The following RAB13 variants were observed in gnomAD, a reference collection of about 807,000 sequenced individuals.
The protein encoded by RAB13 is RAB13, member RAS oncogene family, also known as ras-related protein Rab-13.
In RAB13, 15 loss-of-function variants were observed where a neutral mutation model predicts 29.3. The observed-to-expected ratio is 0.51, with a 90% CI of 0.34 to 0.79. The LOEUF (loss-of-function observed/expected upper bound fraction) is 0.79. Among genes scored for constraint, RAB13 ranks in the 30% least tolerant of loss-of-function variants. The pLI is 0.01. For missense variants in RAB13, 186 were observed against 255.5 expected, an observed-to-expected ratio of 0.73 and a Z score of 1.85; for synonymous variants, 82 against 93.8, an observed-to-expected ratio of 0.87 and a Z score of 0.73.
chr1:153,982,104 C>T lies in RAB13; in HGVS notation c.607G>A (p.Gly203Ser). The T allele has an allele frequency of 6.2e-7, 1 of 1,613,546 alleles. No homozygotes were observed. The highest frequency in any genetic ancestry group is 1.3e-5 in the African/African-American group (1 of 75,008). Residue 203 changes from glycine (G) to serine (S), a missense_variant, in exon 8 of 8, where the codon GGC becomes AGC. Transcript: ENST00000368575. ...DKKNTNKCSLG is the reference protein window; with the variant it reads ...DKKNTNKCSLS Reference sequence around the variant, plus strand: ...GGGGAGGCAAGAAAGGGTCCTCAGCCCAGGGAGCACTTGTTGGTGTTCTTC... The same window carrying T: ...GGGGAGGCAAGAAAGGGTCCTCAGCTCAGGGAGCACTTGTTGGTGTTCTTC...
At chr1:153,985,278 G>T in intron 1 of RAB13, 1 of 985,906 alleles carries the variant, frequency 1.0e-6, no homozygotes. Flanking sequence ...GGCTAAACAG[G>T]ATTACTTTTG....
chr1:153,983,383 A>G, intron 3 of RAB13, 87 bp from the exon 4 acceptor site: 5 of 1,476,260 alleles, frequency 3.4e-6, no homozygotes, highest in Non-Finnish European at 4.7e-6. Context: ...ATGGGTCTAA[A>G]CACTAGGCCA....
chr1:153,982,201 C>T (rs1648998143), intron 7 of RAB13, 25 bp from the exon 8 acceptor site: 1 of 1,600,186 alleles, frequency 6.2e-7, no homozygotes, highest in African/African-American at 1.3e-5. Flanking sequence ...GCACAGGTGT[C>T]ATGGTGTGAA....
At chr1:153,984,957 T>G (rs1246470362) in intron 1 of RAB13, 176 bp from the exon 2 acceptor site, 1 of 1,356,282 alleles carries the variant, frequency 7.4e-7, no homozygotes, top group Non-Finnish European at 9.4e-7. Flanking sequence ...GCTGTATTTG[T>G]ATAGCAAGAA....
chr1:153,988,169 A>G (rs1394912805), upstream of RAB13, among the ~76,000 whole-genome samples: 2 of 150,752 alleles, frequency 1.3e-5, no homozygotes, highest in Admixed American at 6.6e-5. Flanking sequence ...TAATTTTTGT[A>G]TTTTTAGTAG....
rs760293906 is a variant in RAB13, at chr1:153,982,095, G to T, written c.*4C>A. ...TTCCGGGGTGGGGAGGCAAGAAAGGGTCCTCAGCCCAGGGAGCACTTGTTG... is the reference window on the plus strand; with the variant it reads ...TTCCGGGGTGGGGAGGCAAGAAAGGTTCCTCAGCCCAGGGAGCACTTGTTG... On this transcript the variant is annotated 3_prime_UTR_variant, in exon 8 of 8. Transcript: ENST00000368575. The T allele has an allele frequency of 6.2e-7, 1 of 1,613,084 alleles. No individual in the cohort carries two copies.
chr1:153,989,023 G>A (rs958763043), upstream of RAB13, among the ~76,000 whole-genome samples: 6 of 147,742 alleles, frequency 4.1e-5, no homozygotes, highest in African/African-American at 1.5e-4. Context: ...GGGTTCAAGC[G>A]ATTCTCCAGC....
intron 1 of RAB13, chr1:153,984,992 GA>G: frequency 7.8e-6 from 10 of 1,278,814 alleles, no homozygotes; most frequent in Non-Finnish European, 9.8e-6. Flanking sequence ...ACATTTTATG[GA>G]TTTTGGGAGG....
chr1:153,989,311 G>A (rs1649280915), upstream of RAB13, among the ~76,000 whole-genome samples: 1 of 144,438 alleles, frequency 6.9e-6, no homozygotes, highest in Non-Finnish European at 1.5e-5. Context: ...GTGCAGCGGC[G>A]CGATCTCCGC....
Position 153,986,288 on chromosome 1 carries a change from G to A in RAB13, c.-52C>T. 1.0e-5 allele frequency: 15 copies of A among 1,497,530 alleles called. No homozygotes were observed. The highest frequency in any genetic ancestry group is 1.3e-5 in the Non-Finnish European group (14 of 1,081,998). The allele number at this position is 1,497,530 out of a possible 1,614,324, so 92.8% of individuals were successfully genotyped here. ...GGGTGGGGAGCGCCCGGCACTGGTAGGCGGGACTGGACGGTTGGCAAACAG... is the reference window on the plus strand; with the variant it reads ...GGGTGGGGAGCGCCCGGCACTGGTAAGCGGGACTGGACGGTTGGCAAACAG... On this transcript the variant is annotated 5_prime_UTR_variant, in exon 1 of 8. Coordinates refer to ENST00000368575, the MANE Select transcript of RAB13 (RefSeq NM_002870.5).
At chr1:153,985,188 T>C in intron 1 of RAB13, 2 of 994,110 alleles carry the variant, frequency 2.0e-6, no homozygotes, top group South Asian at 9.0e-5. Context: ...ACCCTCCTAG[T>C]AGAGAGTAAG....
intron 2 of RAB13, among the ~76,000 whole-genome samples, chr1:153,984,239 T>TCAG (rs1649092158): frequency 6.8e-6 from 1 of 146,884 alleles, no homozygotes; most frequent in Non-Finnish European, 1.5e-5. Context: ...TTAATGAAGG[T>TCAG]CAGGCAGGAG....
rs774252826 is a variant in RAB13, at chr1:153,983,255, G to A, written c.288C>T (p.Phe96=). The change falls in exon 4 of 8, where the codon TTC becomes TTT. Residue 96 remains phenylalanine (F), a synonymous_variant. Transcript: ENST00000368575. ...LVYDITDEKS[F]ENIQNWMKSI... Reference sequence around the variant, plus strand: ...TTTTCATCCAGTTCTGAATATTCTCGAAAGATTTCTCATCCGTGATGTCGT... The same window carrying A: ...TTTTCATCCAGTTCTGAATATTCTCAAAAGATTTCTCATCCGTGATGTCGT... The A allele has an allele frequency of 5.6e-6, 9 of 1,613,846 alleles. No individual in the cohort carries two copies. In the Admixed American group the frequency reaches 6.7e-5, roughly 12 times the overall value.
chr1:153,984,609 C>A, intron 2 of RAB13, 112 bp downstream of exon 2: 5 of 921,226 alleles, frequency 5.4e-6, no homozygotes, highest in Non-Finnish European at 6.8e-6. Context: ...CTCCTTCTAG[C>A]ACTTCTAGAA....
chr1:153,982,349 A>C, intron 7 of RAB13, 42 bp downstream of exon 7: 1 of 1,563,138 alleles, frequency 6.4e-7, no homozygotes, highest in Non-Finnish European at 8.8e-7. Flanking sequence ...ATACACACAC[A>C]CACACCCCAG....
chr1:153,987,528 A>AAG (rs1553215354), upstream of RAB13, among the ~76,000 whole-genome samples: 27 of 127,518 alleles, frequency 2.1e-4, no homozygotes, highest in Non-Finnish European at 2.9e-4. Flanking sequence ...AAAAAAAAAA[A>AAG]AAAGAAAGAA....
In RAB13 at chr1:153,985,654, C is replaced by A. The variant is rs544395003; in HGVS notation, c.124+459G>T. 2.7e-3 allele frequency among the ~76,000 whole-genome samples: 404 copies of A among 152,168 alleles called. 2 individuals carry two copies. Among genetic ancestry groups the A allele is most frequent in the Admixed American group, 4.3e-3 (66 of 15,258 alleles). On this transcript the variant is annotated intron_variant, in intron 1 of 7. Transcript: ENST00000368575. ...GTGCAGGGAGACTGGGGCAGGGAAC[C>A]TGGGAAGTAGATGGTGAGGTGGGGA...
upstream of RAB13, among the ~76,000 whole-genome samples, chr1:153,988,294 ATT>A (rs552724489): frequency 2.8e-5 from 3 of 107,524 alleles, no homozygotes; most frequent in Non-Finnish European, 1.9e-5. Flanking sequence ...GCCTGGCCCT[ATT>A]TTTTTTTTTT....
At chr1:153,983,688 C>T (rs147737336) in intron 2 of RAB13, 107 bp from the exon 3 acceptor site, 4 of 958,474 alleles carry the variant, frequency 4.2e-6, no homozygotes, top group Middle Eastern at 4.5e-4. Context: ...GGTGGGGCAA[C>T]AGAATAAGGA....
Sources: gnomAD v4.1 joint callset for allele counts (sites outside exome capture counted in the v4.1 genomes callset) on GRCh38, gnomAD v4.1.1 for gene constraint, MANE v1.5 for transcripts, NCBI Gene and HGNC (gene_info 2026-07-23, HGNC 2026-07-21) for gene names.